Variants in NPAT observed in about 807,000 individuals in gnomAD.
NPAT encodes the protein protein NPAT.
Under a neutral mutation model 130.7 loss-of-function variants are expected in NPAT, and 52 were observed. The ratio of observed to expected loss-of-function variants is 0.40; its 90% confidence interval spans 0.32 to 0.50. The LOEUF is 0.50. Ranked by LOEUF, NPAT falls within the 20% of genes least tolerant of loss-of-function variation. The probability of loss-of-function intolerance (pLI) is 0.68; values close to 1 mark genes in which losing one functional copy is unlikely to be tolerated. For synonymous variants in NPAT, 580 were observed against 584.8 expected, an observed-to-expected ratio of 0.99 and a Z score of 0.12; for missense variants, 1,687 against 1,662.6, an observed-to-expected ratio of 1.01 and a Z score of -0.26.
Position 108,172,477 on chromosome 11 carries a change from GA to G in NPAT, c.2506del (p.Ser836GlnfsTer17), listed in dbSNP as rs757776966. 2 of 1,614,180 alleles carry G rather than the reference GA, an allele frequency of 1.2e-6. No homozygotes were observed. The highest frequency in any genetic ancestry group is 1.7e-6 in the Non-Finnish European group (2 of 1,180,014). On this transcript the variant is annotated frameshift_variant, in exon 13 of 18. Transcript: ENST00000278612. LOFTEE classifies it high-confidence loss of function. Reference sequence around the variant, plus strand: ...GGAAACACATGGTGTAACATTAGCTGAAAAAGCAATGCCATCTTCATTCTGA... The same window carrying G: ...GGAAACACATGGTGTAACATTAGCTGAAAAGCAATGCCATCTTCATTCTGA... ...NTQNEDGIAF[S>X]ANVTPCVSKD...
In NPAT at chr11:108,159,007, G is replaced by C. The variant is rs758500896; in HGVS notation, c.4219C>G (p.Pro1407Ala). The C allele has an allele frequency of 9.3e-6, 15 of 1,605,770 alleles. No homozygotes were observed. In the African/African-American group the frequency reaches 2.0e-4, roughly 21 times the overall value. ...TCCATTCCTGCTGGAAATGAACTGG[G>C]AAGCTTCTTTTTCTGTTGAAAAAGA... ...KKKKIKKKKL[P>A]SSFPAGMDVD... is the part of the protein sequence containing the mutation. The change falls in exon 18 of 18, where the codon CCC becomes GCC. Residue 1407 changes from proline to alanine, a missense_variant. Pro to Ala is a conservative substitution (Grantham distance 27). Coordinates refer to ENST00000278612, the MANE Select transcript of NPAT (RefSeq NM_002519.3).
chr11:108,192,734 T>A (rs894955859), intron 3 of NPAT, among the ~76,000 whole-genome samples: 2 of 152,042 alleles, frequency 1.3e-5, no homozygotes, highest in African/African-American at 4.8e-5. Context: ...GGTGGGCAGA[T>A]CATGAGGTCA....
Position 108,209,356 on chromosome 11 carries a change from AC to A in NPAT, c.38-11937del, listed in dbSNP as rs2078360882. Among the ~76,000 whole-genome samples, 4 of 152,274 alleles carry A rather than the reference AC, an allele frequency of 2.6e-5. No homozygotes were observed. In the South Asian group the frequency reaches 8.3e-4, roughly 32 times the overall value. ...CATGGTGGCATATGCCTATAATCCCACCTATTTGGCAGGCTGAGGCAGGAGA... is the reference window on the plus strand; with the variant it reads ...CATGGTGGCATATGCCTATAATCCCACTATTTGGCAGGCTGAGGCAGGAGA... On this transcript the variant is annotated intron_variant, in intron 1 of 17. Transcript: ENST00000278612.
chr11:108,213,589 C>T (rs2078404768), intron 1 of NPAT, among the ~76,000 whole-genome samples: 1 of 152,150 alleles, frequency 6.6e-6, no homozygotes, highest in East Asian at 1.9e-4. Context: ...CCAAAATTCA[C>T]CGATACATTC....
rs747610341 is a variant in NPAT at position 108,186,542 on chromosome 11, C to G, written c.666G>C (p.Leu222Phe). 1.2e-5 allele frequency: 20 copies of G among 1,613,840 alleles called. No homozygotes were observed. Reference sequence around the variant, plus strand: ...TCCGTATTGTTGAATGAGGGCCAGACAAAGTGGTACTTTTTCTCTGAGATT... The same window carrying G: ...TCCGTATTGTTGAATGAGGGCCAGAGAAAGTGGTACTTTTTCTCTGAGATT... ...KSESQRKSTTLSGPHSTIRNF... is the reference protein window; with the variant it reads ...KSESQRKSTTFSGPHSTIRNF... Residue 222 changes from leucine (L) to phenylalanine (F), a missense_variant, in exon 8 of 18, where the codon TTG (leucine) becomes TTC (phenylalanine). This residue lies in a region of NPAT where 307 missense variants were observed against 298.9 expected (regional missense o/e 1.03). Coordinates refer to ENST00000278612, the MANE Select transcript of NPAT (RefSeq NM_002519.3).
intron 11 of NPAT, 106 bp from the exon 12 acceptor site, chr11:108,176,480 G>T (rs1375125540): frequency 4.8e-6 from 4 of 833,144 alleles, no homozygotes; most frequent in Middle Eastern, 7.0e-4. Context: ...TCGATTTAGG[G>T]TTTTATGGAT....
At chr11:108,175,853 G>T (rs569648895) in intron 12 of NPAT, among the ~76,000 whole-genome samples, 3 of 152,172 alleles carry the variant, frequency 2.0e-5, no homozygotes, top group Non-Finnish European at 4.4e-5. Context: ...TACATGTCAA[G>T]AATTGAATTA....
Position 108,186,579 on chromosome 11 carries a change from A to G in NPAT, c.639-10T>C, listed in dbSNP as rs775883997. On this transcript the variant is annotated splice_polypyrimidine_tract_variant and intron_variant, in intron 7 of 17. Transcript: ENST00000278612. ...TTTTCTCTGAGATTCACTGAAACAC[A>G]TTTTAAAAGCTTTTCTTTTAACCAC... 1 of 1,607,852 alleles carries G rather than the reference A, an allele frequency of 6.2e-7. No individual in the cohort carries two copies. The highest frequency in any genetic ancestry group is 1.3e-5 in the African/African-American group (1 of 74,792).
At position 108,172,193 on chromosome 11, in the gene NPAT, A is replaced by G; in HGVS notation, c.2785+6T>C. On this transcript the variant is annotated splice_donor_region_variant and intron_variant, in intron 13 of 17. Coordinates refer to ENST00000278612, the MANE Select transcript of NPAT (RefSeq NM_002519.3). ...AAACAAATTTCAATTATGTTATTAA[A>G]GTTACCTTGTGAAAAGTTTGGTGAC... 1 of 1,612,910 alleles carries G rather than the reference A, an allele frequency of 6.2e-7. No individual in the cohort carries two copies. The highest frequency in any genetic ancestry group is 8.5e-7 in the Non-Finnish European group (1 of 1,178,860).
At chr11:108,222,463 C>G in intron 1 of NPAT, 37 bp downstream of exon 1, 3 of 1,611,554 alleles carry the variant, frequency 1.9e-6, no homozygotes, top group Non-Finnish European at 2.5e-6. Flanking sequence ...CCAGCATAGC[C>G]GGGTCCAATA....
intron 10 of NPAT, among the ~76,000 whole-genome samples, chr11:108,181,270 C>G (rs774207969): frequency 7.2e-5 from 11 of 152,184 alleles, no homozygotes; most frequent in Admixed American, 2.0e-4. Context: ...TCGAGACCAG[C>G]CTGGCCGACA....
At chr11:108,221,045 AAG>A (rs2078485038) in intron 1 of NPAT, among the ~76,000 whole-genome samples, 1 of 152,250 alleles carries the variant, frequency 6.6e-6, no homozygotes, top group African/African-American at 2.4e-5. Flanking sequence ...TTTGTGGAGA[AAG>A]AATACTCACA....
chr11:108,195,889 A>T (rs1278329848), intron 2 of NPAT, among the ~76,000 whole-genome samples: 1 of 152,350 alleles, frequency 6.6e-6, no homozygotes, highest in Admixed American at 6.5e-5. Context: ...GGCCTCCCAA[A>T]GTGCTGGGAT....
chr11:108,213,163 T>C (rs1472658789), intron 1 of NPAT, among the ~76,000 whole-genome samples: 1 of 149,582 alleles, frequency 6.7e-6, no homozygotes, highest in Non-Finnish European at 1.5e-5. Flanking sequence ...ATCCCAGCTA[T>C]TCCAGAGGCT....
chr11:108,190,525 T>C (rs775406271), intron 4 of NPAT, 25 bp from the exon 5 acceptor site: 3 of 1,610,062 alleles, frequency 1.9e-6, no homozygotes, highest in African/African-American at 2.7e-5. Context: ...AAAGTAGTTA[T>C]CCATCAAAAA....
chr11:108,190,168 CTGGGTGTGG>C (rs2078152961), intron 5 of NPAT, among the ~76,000 whole-genome samples: 1 of 151,588 alleles, frequency 6.6e-6, no homozygotes, highest in South Asian at 2.1e-4. Flanking sequence ...AAAAAATTAG[CTGGGTGTGG>C]TGGCACACGC....
At chr11:108,219,688 A>T (rs1414413202) in intron 1 of NPAT, among the ~76,000 whole-genome samples, 1 of 152,200 alleles carries the variant, frequency 6.6e-6, no homozygotes, top group Non-Finnish European at 1.5e-5. Flanking sequence ...TGGTTGCAGA[A>T]AAATGTCAAT....
intron 15 of NPAT, among the ~76,000 whole-genome samples, chr11:108,164,616 C>T (rs1469201162): frequency 6.6e-6 from 1 of 152,180 alleles, no homozygotes; most frequent in East Asian, 1.9e-4. Context: ...TTTTGAGACA[C>T]ATCACTGGCC....
chr11:108,212,945 CAAAAAAAAAAAAAAAA>C (rs34466178), intron 1 of NPAT, among the ~76,000 whole-genome samples: 3 of 36,418 alleles, frequency 8.2e-5, no homozygotes, highest in South Asian at 3.7e-3. Context: ...GACTCTGTCT[CAAAAAAAAAAAAAAAA>C]AAAAAAAAAA....
Sources: gnomAD v4.1 joint callset for allele counts (sites outside exome capture counted in the v4.1 genomes callset) on GRCh38, gnomAD v4.1.1 for gene constraint, gnomAD v4.1.1 regional missense constraint, MANE v1.5 for transcripts, NCBI Gene and HGNC (gene_info 2026-07-23, HGNC 2026-07-21) for gene names.